OR2V2: variants seen among roughly 807,000 people sequenced by gnomAD.
OR2V2 encodes olfactory receptor 2V2.
For missense variants in OR2V2, 392 were observed against 392.2 expected (o/e 1.00, Z 0.00); for synonymous variants, 161 against 151.3 (o/e 1.06, Z -0.47).
intron 1 of OR2V2, among the ~76,000 whole-genome samples, chr5:181,148,953 G>A (rs1364455768): frequency 6.6e-6 from 1 of 152,254 alleles, no homozygotes; most frequent in African/African-American, 2.4e-5. Flanking sequence ...CCGCAGGGAG[G>A]CCAGGGATCC....
rs748249492 is a variant in OR2V2, at chr5:181,155,394, C to T, written c.452C>T (p.Ala151Val). 2 of 1,614,162 alleles carry T rather than the reference C, an allele frequency of 1.2e-6. No individual in the cohort carries two copies. The highest frequency in any genetic ancestry group is 1.7e-6 in the Non-Finnish European group (2 of 1,180,030). Residue 151 changes from alanine to valine, a missense_variant, in exon 2 of 2, where the codon GCC (alanine) becomes GTC (valine). Physicochemically the swap from Ala to Val is moderately conservative, Grantham distance 64 (BLOSUM62 0). Transcript: ENST00000641492. ...CTCCAGATTACTGGGAGCTCCTGGG[C>T]CTTTGGGATAATCGATGGCTTGATC... Reference protein sequence around the residue: ...VCLQITGSSWAFGIIDGLIQM... With the variant: ...VCLQITGSSWVFGIIDGLIQM...
chr5:181,150,512 T>C (rs1039728675), intron 1 of OR2V2, among the ~76,000 whole-genome samples: 1 of 152,198 alleles, frequency 6.6e-6, no homozygotes, highest in African/African-American at 2.4e-5. Context: ...GGGGAAATCC[T>C]CTGCTTTCGG....
intron 1 of OR2V2, among the ~76,000 whole-genome samples, chr5:181,148,276 A>T (rs1763150389): frequency 6.6e-6 from 1 of 151,824 alleles, no homozygotes; most frequent in Non-Finnish European, 1.5e-5. Flanking sequence ...TCTGGGTTGG[A>T]GACTGGGCTC....
Position 181,156,082 on chromosome 5 carries a change from CT to C in OR2V2, c.*195del, listed in dbSNP as rs1298448783. 1 of 542,300 alleles carries C rather than the reference CT, an allele frequency of 1.8e-6. No individual in the cohort carries two copies. Among genetic ancestry groups the C allele is most frequent in the Admixed American group, 3.6e-5 (1 of 27,444 alleles). The allele number at this position is 542,300 out of a possible 1,614,324, so 33.6% of individuals were successfully genotyped here. A position where few individuals can be genotyped will look rare whatever the true frequency, so the allele number is the denominator to read the frequency against. ...TCTTTCTTTCTTTCTTTTGTTCTTT[CT>C]TTCGTTCTTTCTTTCTCTTCCTCTT... is the stretch of plus-strand genomic sequence containing the variant. On this transcript the variant is annotated 3_prime_UTR_variant, in exon 2 of 2. Transcript: ENST00000641492.
At position 181,154,974 on chromosome 5, in the gene OR2V2, A is replaced by G; in HGVS notation, c.32A>G (p.Asp11Gly). 1.2e-6 allele frequency: 2 copies of G among 1,614,150 alleles called. No homozygotes were observed. The highest frequency in any genetic ancestry group is 1.7e-5 in the Admixed American group (1 of 60,022). METWVNQSYT[D>G]GFFLLGIFSH... is the part of the protein sequence containing the mutation. ...ACGTGGGTGAACCAGTCCTACACAG[A>G]TGGCTTCTTCCTCTTAGGCATCTTC... Residue 11 changes from aspartate to glycine, a missense_variant, in exon 2 of 2, where the codon GAT becomes GGT. By Grantham distance (94) the Asp-to-Gly change is moderately conservative. Coordinates refer to ENST00000641492, the MANE Select transcript of OR2V2 (RefSeq NM_206880.2).
rs3044869 is a variant in OR2V2, at chr5:181,151,982, C to CAAA, written c.-24-2920_-24-2918dup. Among the ~76,000 whole-genome samples, 82 of 93,362 alleles carry CAAA rather than the reference C, an allele frequency of 8.8e-4. 1 individual carries two copies. The highest frequency in any genetic ancestry group is 1.8e-3 in the African/African-American group (54 of 29,742). The allele number at this position is 93,362 out of a possible 152,430, so 61.2% of individuals were successfully genotyped here. ...TGGGAGACAGAGCGAGGCCCTGTCT[C>CAAA]AAAAAAAAAAAAAAAAAAATCAAAG... is the stretch of plus-strand genomic sequence containing the variant. On this transcript the variant is annotated intron_variant, in intron 1 of 1. Transcript: ENST00000641492.
rs751325744 is a variant in OR2V2 at position 181,155,224 on chromosome 5, C to T, written c.282C>T (p.Ser94=). Residue 94 remains serine (S), a synonymous_variant, in exon 2 of 2, where the codon TCC becomes TCT. Transcript: ENST00000641492. ...TCCTGTCTGGCAGGAAGTCCATCTC[C>T]TTTGTGGGCTGTGGCATACAAATTG... The part of the protein sequence containing the change: ...ANFLSGRKSI[S]FVGCGIQIGL... The T allele has an allele frequency of 2.0e-5, 33 of 1,613,934 alleles. No homozygotes were observed. The Middle Eastern group carries it at 4.9e-4, about 24-fold the overall frequency.
Position 181,155,658 on chromosome 5 carries a change from T to G in OR2V2, c.716T>G (p.Leu239Arg). 1 of 1,614,216 alleles carries G rather than the reference T, an allele frequency of 6.2e-7. No individual in the cohort carries two copies. Among genetic ancestry groups the G allele is most frequent in the Non-Finnish European group, 8.5e-7 (1 of 1,180,024 alleles). The change falls in exon 2 of 2, where the codon CTG (leucine) becomes CGG (arginine). Residue 239 changes from leucine (L) to arginine (R), a missense_variant. Leu to Arg is a moderately radical substitution (Grantham distance 102). Coordinates refer to ENST00000641492, the MANE Select transcript of OR2V2 (RefSeq NM_206880.2). ...TCTGCTCAGGCCTGGAAAAAGGCCC[T>G]GGCCACCTGCTCCTCCCACCTGACA... ...MHSAQAWKKA[L>R]ATCSSHLTAV...
At chr5:181,153,297 G>T (rs1211766030) in intron 1 of OR2V2, among the ~76,000 whole-genome samples, 1 of 152,140 alleles carries the variant, frequency 6.6e-6, no homozygotes, top group African/African-American at 2.4e-5. Context: ...AGGATGCTTT[G>T]TCTTTTTTAA....
At chr5:181,148,854 T>C (rs1763158753) in intron 1 of OR2V2, among the ~76,000 whole-genome samples, 1 of 152,170 alleles carries the variant, frequency 6.6e-6, no homozygotes, top group African/African-American at 2.4e-5. Context: ...AGGCAGGGCC[T>C]GTCTGGGAAG....
At chr5:181,152,643 A>T (rs1763207027) in intron 1 of OR2V2, among the ~76,000 whole-genome samples, 1 of 152,136 alleles carries the variant, frequency 6.6e-6, no homozygotes, top group Admixed American at 6.5e-5. Context: ...ATGATTAGTG[A>T]CTCACGTCTA....
In OR2V2 at chr5:181,156,053, T is replaced by TCTTC. The variant is rs1321534420; in HGVS notation, c.*166_*167insCCTT. On this transcript the variant is annotated 3_prime_UTR_variant, in exon 2 of 2. Coordinates refer to ENST00000641492, the MANE Select transcript of OR2V2 (RefSeq NM_206880.2). ...ACACTACATCAGTTCTTTCTTTCTTTCTTTCTTTCTTTCTTTCTTTTGTTC... is the reference window on the plus strand; with the variant it reads ...ACACTACATCAGTTCTTTCTTTCTTTCTTCCTTTCTTTCTTTCTTTCTTTTGTTC... 1 of 538,564 alleles carries TCTTC rather than the reference T, an allele frequency of 1.9e-6. No homozygotes were observed. Among genetic ancestry groups the TCTTC allele is most frequent in the African/African-American group, 2.0e-5 (1 of 49,832 alleles). The allele number at this position is 538,564 out of a possible 1,614,324, so 33.4% of individuals were successfully genotyped here.
chr5:181,150,844 G>C (rs545535686), intron 1 of OR2V2, among the ~76,000 whole-genome samples: 1 of 152,264 alleles, frequency 6.6e-6, no homozygotes, highest in African/African-American at 2.4e-5. Flanking sequence ...GAGCACGATG[G>C]TGCGCACTTG....
In OR2V2 at chr5:181,155,557, C is replaced by A. The variant is rs113166181; in HGVS notation, c.615C>A (p.Val205=). The change falls in exon 2 of 2, where the codon GTC becomes GTA. Residue 205 remains valine, a synonymous_variant. Transcript: ENST00000641492. ...LFEKVIFACC[V]FMLLFPFSII... ...AGAAGGTGATATTTGCTTGCTGTGT[C>A]TTCATGCTTCTCTTCCCATTCTCCA... 34 of 1,614,096 alleles carry A rather than the reference C, an allele frequency of 2.1e-5. No individual in the cohort carries two copies. Among genetic ancestry groups the A allele is most frequent in the Non-Finnish European group, 2.5e-5 (30 of 1,180,040 alleles).
rs1015004636 is a variant in OR2V2 at position 181,147,728 on chromosome 5, A to G, written c.-292A>G. The G allele has an allele frequency of 2.8e-6, 1 of 358,802 alleles. No homozygotes were observed. Among genetic ancestry groups the G allele is most frequent in the Non-Finnish European group, 4.9e-6 (1 of 202,156 alleles). The allele number at this position is 358,802 out of a possible 1,614,324, so 22.2% of individuals were successfully genotyped here. ...CCTGCCAGCACCAGCTCCTTCCCTGAGCCTGTTTCTCCCTCTGAGAGGAGG... is the reference window on the plus strand; with the variant it reads ...CCTGCCAGCACCAGCTCCTTCCCTGGGCCTGTTTCTCCCTCTGAGAGGAGG... On this transcript the variant is annotated 5_prime_UTR_variant, in exon 1 of 2. An upstream open reading frame in the 5' UTR loses its in-frame stop. Transcript: ENST00000641492.
In OR2V2 at chr5:181,147,820, T is replaced by A. The variant is rs542057090; in HGVS notation, c.-200T>A. ...ACTGGAGGCTGAGGGTGCCGTGGGC[T>A]CCACAGCCCGATGAGTAGTCGGTGC... is the stretch of plus-strand genomic sequence containing the variant. On this transcript the variant is annotated 5_prime_UTR_variant, in exon 1 of 2. Transcript: ENST00000641492. The A allele has an allele frequency of 4.2e-4, 164 of 393,460 alleles. 1 individual carries two copies. The highest frequency in any genetic ancestry group is 3.2e-3 in the African/African-American group (153 of 48,510). 24.4% of individuals were successfully genotyped at this position (393,460 alleles called of 1,614,324 possible).
At position 181,156,074 on chromosome 5, in the gene OR2V2, T is replaced by TTTCTTTCTTTCTTTC; in HGVS notation, c.*184_*185insTTCTTTCTTTCTTTC. ...TCTTTCTTTCTTTCTTTCTTTCTTT[T>TTTCTTTCTTTCTTTC]GTTCTTTCTTTCGTTCTTTCTTTCT... On this transcript the variant is annotated 3_prime_UTR_variant, in exon 2 of 2. Coordinates refer to ENST00000641492, the MANE Select transcript of OR2V2 (RefSeq NM_206880.2). The TTTCTTTCTTTCTTTC allele has an allele frequency of 3.0e-5, 4 of 134,008 alleles. No homozygotes were observed. Among genetic ancestry groups the TTTCTTTCTTTCTTTC allele is most frequent in the Non-Finnish European group, 4.3e-5 (4 of 93,442 alleles). 8.3% of individuals were successfully genotyped at this position (134,008 alleles called of 1,614,324 possible). A position where few individuals can be genotyped will look rare whatever the true frequency, so the allele number is the denominator to read the frequency against.
intron 1 of OR2V2, among the ~76,000 whole-genome samples, chr5:181,151,186 G>C (rs1687248931): frequency 6.6e-6 from 1 of 152,176 alleles, no homozygotes; most frequent in Admixed American, 6.5e-5. Context: ...CCTAAGGTCA[G>C]ATGCATCTGG....
At chr5:181,154,358 G>A (rs557909739) in intron 1 of OR2V2, among the ~76,000 whole-genome samples, 1 of 152,280 alleles carries the variant, frequency 6.6e-6, no homozygotes, top group South Asian at 2.1e-4. Context: ...GGGAGGCCGA[G>A]GCGGGTGGAT....
Sources: allele counts gnomAD v4.1 joint callset (sites outside exome capture counted in the v4.1 genomes callset), GRCh38; gene constraint gnomAD v4.1.1; transcripts MANE v1.5; gene names NCBI Gene and HGNC (gene_info 2026-07-23, HGNC 2026-07-21).